The following STX8 variants were observed in gnomAD, a reference collection of about 807,000 sequenced individuals.
The protein encoded by STX8 is syntaxin 8, also known as syntaxin-8.
STX8 carries 23 observed loss-of-function variants against 37.5 expected under a neutral mutation model. The observed-to-expected ratio is 0.61, with a 90% CI of 0.44 to 0.87. The LOEUF (loss-of-function observed/expected upper bound fraction) is 0.87, where lower values mean the gene tolerates loss of function less well. Ranked by LOEUF, STX8 falls within the 40% of genes least tolerant of loss-of-function variation. The pLI, the probability that STX8 is intolerant of heterozygous loss-of-function variation, is 0.00. For synonymous variants in STX8, 115 were observed against 99.1 expected, an observed-to-expected ratio of 1.16 and a Z score of -0.95; for missense variants, 313 against 284.7, an observed-to-expected ratio of 1.10 and a Z score of -0.71.
intron 6 of STX8, among the ~76,000 whole-genome samples, chr17:9,459,927 T>C (rs1397259811): frequency 6.6e-6 from 1 of 152,206 alleles, no homozygotes; most frequent in African/African-American, 2.4e-5. Context: ...ATGCTGCAGC[T>C]TTGCAGCATC....
At chr17:9,458,739 C>T (rs557049493) in intron 6 of STX8, among the ~76,000 whole-genome samples, 2 of 152,116 alleles carry the variant, frequency 1.3e-5, no homozygotes, top group Non-Finnish European at 2.9e-5. Context: ...ATATGATGAA[C>T]GAAGCTGAAG....
At chr17:9,301,693 C>T (rs1437464124) in intron 7 of STX8, among the ~76,000 whole-genome samples, 5 of 151,594 alleles carry the variant, frequency 3.3e-5, no homozygotes, top group African/African-American at 1.2e-4. Flanking sequence ...GGGGTTTCAC[C>T]GTGGTAGCCA....
intron 6 of STX8, among the ~76,000 whole-genome samples, chr17:9,394,938 G>A (rs983326548): frequency 6.2e-5 from 8 of 128,648 alleles, no homozygotes; most frequent in African/African-American, 1.9e-4. Flanking sequence ...ATAGCTGGGC[G>A]TAGTGGCGGG....
At chr17:9,388,486 T>C (rs983100430) in intron 6 of STX8, among the ~76,000 whole-genome samples, 8 of 152,080 alleles carry the variant, frequency 5.3e-5, no homozygotes, top group East Asian at 1.9e-4. Flanking sequence ...AATTCCCCCA[T>C]GTGTTCACTA....
chr17:9,428,502 A>G (rs1217876508), intron 6 of STX8, among the ~76,000 whole-genome samples: 1 of 152,306 alleles, frequency 6.6e-6, no homozygotes, highest in South Asian at 2.1e-4. Context: ...GGCCTCCCAA[A>G]GTGCTGGGAT....
At position 9,395,373 on chromosome 17, in the gene STX8, G is replaced by C. The variant is rs570718945; in HGVS notation, c.542-16720C>G. ...TCCCAGCACTTTGGGAAGCTGAGGC[G>C]GGCACATCAATCACTTGAGGTAAGG... is the stretch of plus-strand genomic sequence containing the variant. On this transcript the variant is annotated intron_variant, in intron 6 of 7. Transcript: ENST00000306357. 3.9e-5 allele frequency among the ~76,000 whole-genome samples: 6 copies of C among 152,164 alleles called. No homozygotes were observed. In the South Asian group the frequency reaches 1.2e-3, roughly 32 times the overall value.
chr17:9,252,361 G>A (rs1191517733), intron 7 of STX8, among the ~76,000 whole-genome samples: 2 of 151,920 alleles, frequency 1.3e-5, no homozygotes, highest in East Asian at 1.9e-4. Flanking sequence ...GGAGAATGGC[G>A]TGAACCCGGG....
chr17:9,546,526 C>G (rs1178027368), intron 3 of STX8, among the ~76,000 whole-genome samples: 1 of 149,750 alleles, frequency 6.7e-6, no homozygotes, highest in Non-Finnish European at 1.5e-5. Flanking sequence ...ACAACCGGCG[C>G]CACTTCCCTT....
chr17:9,442,581 TA>T (rs1904706808), intron 6 of STX8, among the ~76,000 whole-genome samples: 1 of 152,168 alleles, frequency 6.6e-6, no homozygotes, highest in Non-Finnish European at 1.5e-5. Flanking sequence ...TAATTTTTTG[TA>T]TTTTTTGTAG....
At chr17:9,468,937 G>A (rs369595411) in intron 6 of STX8, among the ~76,000 whole-genome samples, 5 of 152,126 alleles carry the variant, frequency 3.3e-5, no homozygotes, top group Admixed American at 6.5e-5. Flanking sequence ...TACGCATCCC[G>A]CATACAAAAG....
chr17:9,400,271 T>G (rs1043545415), intron 6 of STX8, among the ~76,000 whole-genome samples: 2 of 150,786 alleles, frequency 1.3e-5, no homozygotes, highest in African/African-American at 4.9e-5. Context: ...CTCAGCTAAT[T>G]TTTTGTATTT....
At chr17:9,347,461 T>C (rs779223154) in intron 7 of STX8, among the ~76,000 whole-genome samples, 14 of 152,222 alleles carry the variant, frequency 9.2e-5, no homozygotes, top group Admixed American at 2.0e-4. Flanking sequence ...TATAAATTCA[T>C]TGGCAAAATA....
chr17:9,374,086 A>ATT (rs571434433), intron 7 of STX8, among the ~76,000 whole-genome samples: 5,909 of 144,322 alleles, frequency 0.041, 416 homozygotes, highest in African/African-American at 0.14. Context: ...ACCACAATTA[A>ATT]TTTTTTTTTT....
intron 3 of STX8, chr17:9,553,683 A>G (rs1258763338): frequency 6.6e-6 from 1 of 152,220 alleles, no homozygotes; most frequent in African/African-American, 2.4e-5. Flanking sequence ...AACCACAATG[A>G]ACACTGTTTA....
At chr17:9,310,749 A>AC (rs1909162328) in intron 7 of STX8, among the ~76,000 whole-genome samples, 1 of 152,084 alleles carries the variant, frequency 6.6e-6, no homozygotes, top group African/African-American at 2.4e-5. Flanking sequence ...TGGAGAGGTT[A>AC]AGTAACTTAC....
intron 7 of STX8, among the ~76,000 whole-genome samples, chr17:9,342,146 G>A (rs544842216): frequency 2.6e-5 from 4 of 152,110 alleles, no homozygotes; most frequent in Admixed American, 6.5e-5. Flanking sequence ...TACATCCCTC[G>A]GATGTGCAGT....
intron 6 of STX8, 100 bp from the exon 7 acceptor site, chr17:9,378,753 T>G: frequency 1.2e-6 from 1 of 863,378 alleles, no homozygotes; most frequent in Non-Finnish European, 2.0e-6. Context: ...TGATCTCGAG[T>G]GCAGTAACTG....
At chr17:9,327,611 A>G (rs1909822554) in intron 7 of STX8, among the ~76,000 whole-genome samples, 2 of 152,236 alleles carry the variant, frequency 1.3e-5, no homozygotes, top group Non-Finnish European at 2.9e-5. Context: ...ACCTGGGTAC[A>G]GGGCAGGACC....
chr17:9,291,238 A>G (rs539051586), intron 7 of STX8, among the ~76,000 whole-genome samples: 3 of 152,178 alleles, frequency 2.0e-5, no homozygotes, highest in Non-Finnish European at 2.9e-5. Context: ...CGAGCCGAGG[A>G]GTTCACGACT....
Sources: gnomAD v4.1 joint callset for allele counts (sites outside exome capture counted in the v4.1 genomes callset) on GRCh38, gnomAD v4.1.1 for gene constraint, MANE v1.5 for transcripts, NCBI Gene and HGNC (gene_info 2026-07-23, HGNC 2026-07-21) for gene names.